Variants in VWDE observed in about 807,000 individuals in gnomAD.
The protein encoded by VWDE is von Willebrand factor D and EGF domains.
A neutral mutation model predicts 178.4 loss-of-function variants in VWDE; 207 were observed. That is an observed-to-expected ratio of 1.16 (90% CI 1.04 to 1.30). The LOEUF (loss-of-function observed/expected upper bound fraction) is 1.30. Among genes scored for constraint, VWDE ranks in the 50% most tolerant of loss-of-function variants. The probability of loss-of-function intolerance (pLI) is 0.00; values close to 1 mark genes in which losing one functional copy is unlikely to be tolerated. For missense variants in VWDE, 2,287 were observed against 1,901.3 expected (o/e 1.20, Z -3.77); for synonymous variants, 738 against 651.4 (o/e 1.13, Z -2.02).
At position 12,331,201 on chromosome 7, in the gene VWDE, T is replaced by C. The variant is rs1002901759; in HGVS notation, c.4759-4A>G. 3.9e-6 allele frequency: 6 copies of C among 1,540,742 alleles called. No homozygotes were observed. The highest frequency in any genetic ancestry group is 3.5e-6 in the Non-Finnish European group (4 of 1,139,168). On this transcript the variant is annotated splice_region_variant and splice_polypyrimidine_tract_variant and intron_variant, in intron 28 of 28. Coordinates refer to ENST00000275358, the MANE Select transcript of VWDE (RefSeq NM_001135924.3). Reference sequence around the variant, plus strand: ...ATGCTACTCAATGGCGTCTTATCTGTAGTAGGAAGAAGGAAATTGTGTTTC... The same window carrying C: ...ATGCTACTCAATGGCGTCTTATCTGCAGTAGGAAGAAGGAAATTGTGTTTC...
intron 23 of VWDE, among the ~76,000 whole-genome samples, chr7:12,340,832 A>C (rs1024760748): frequency 6.6e-6 from 1 of 152,216 alleles, no homozygotes; most frequent in African/African-American, 2.4e-5. Flanking sequence ...TAATCTGTTC[A>C]AATACATGTA....
rs1480787339 is a variant in VWDE at position 12,389,159 on chromosome 7, G to T, written c.443C>A (p.Pro148Gln). The stretch of plus-strand genomic sequence containing the variant: ...ACAGTAGCCCATACATCCCTGAGTT[G>T]GTTGTAGTAAGTATACAGAAAAGTT... ...CGNFSVYLLQPTQGCMGYCAE... is the reference protein window; with the variant it reads ...CGNFSVYLLQQTQGCMGYCAE... Residue 148 changes from proline (P) to glutamine (Q), a missense_variant, in exon 3 of 29, where the codon CCA (proline) becomes CAA (glutamine). By Grantham distance (76) the Pro-to-Gln change is moderately conservative (BLOSUM62 -1). Coordinates refer to ENST00000275358, the MANE Select transcript of VWDE (RefSeq NM_001135924.3). 4 of 1,551,336 alleles carry T rather than the reference G, an allele frequency of 2.6e-6. No homozygotes were observed. Among genetic ancestry groups the T allele is most frequent in the Non-Finnish European group, 3.5e-6 (4 of 1,146,470 alleles).
Position 12,392,808 on chromosome 7 carries a change from CA to C in VWDE, c.243+785del, listed in dbSNP as rs201563504. Among the ~76,000 whole-genome samples, 1,116 of 132,118 alleles carry C rather than the reference CA, an allele frequency of 8.4e-3. 19 individuals carry two copies. The highest frequency in any genetic ancestry group is 0.025 in the African/African-American group (924 of 37,486). The allele number at this position is 132,118 out of a possible 152,430, so 86.7% of individuals were successfully genotyped here. On this transcript the variant is annotated intron_variant, in intron 2 of 28. Transcript: ENST00000275358. ...GTGAACGTTACGTAAAGTTAAGTTG[CA>C]AAAAAAAAAAAAACACATCCGATGT... is the stretch of plus-strand genomic sequence containing the variant.
chr7:12,351,352 G>C (rs779684063), intron 19 of VWDE, among the ~76,000 whole-genome samples: 11 of 152,122 alleles, frequency 7.2e-5, no homozygotes, highest in Non-Finnish European at 1.3e-4. Flanking sequence ...CACTTTAAAT[G>C]ATGCTTTGTT....
chr7:12,377,101 T>G (rs1783571655), intron 7 of VWDE, among the ~76,000 whole-genome samples: 1 of 152,146 alleles, frequency 6.6e-6, no homozygotes, highest in Non-Finnish European at 1.5e-5. Context: ...TGCTTTGATC[T>G]CTACATCAGG....
intron 7 of VWDE, among the ~76,000 whole-genome samples, chr7:12,377,303 C>A (rs975376867): frequency 6.6e-6 from 1 of 152,082 alleles, no homozygotes; most frequent in African/African-American, 2.4e-5. Flanking sequence ...CAAACATAAA[C>A]GTACGTTAGG....
At chr7:12,337,320 C>T (rs1260405540) in intron 24 of VWDE, 48 bp from the exon 25 acceptor site, 10 of 1,418,350 alleles carry the variant, frequency 7.1e-6, no homozygotes, top group Non-Finnish European at 9.7e-6. Flanking sequence ...CATCCCATTA[C>T]TACATATGAT....
chr7:12,375,201 C>G lies in VWDE; in HGVS notation c.1051G>C (p.Ala351Pro), dbSNP rs763141322. ...AGGTCCACATGACAGGAAGACAGTGCCAAATTTAAGCCTAGGTGCTCTCTA... is the reference window on the plus strand; with the variant it reads ...AGGTCCACATGACAGGAAGACAGTGGCAAATTTAAGCCTAGGTGCTCTCTA... The part of the protein sequence containing the change: ...QGREHLGLNL[A>P]LSSCHVDLLQ... The change falls in exon 8 of 29, where the codon GCA (alanine) becomes CCA (proline). Residue 351 changes from alanine to proline, a missense_variant. Physicochemically the swap from Ala to Pro is conservative, Grantham distance 27. Transcript: ENST00000275358. The G allele has an allele frequency of 6.4e-7, 1 of 1,550,810 alleles. No individual in the cohort carries two copies. Among genetic ancestry groups the G allele is most frequent in the East Asian group, 2.4e-5 (1 of 40,884 alleles).
rs1438285784 is a variant in VWDE, at chr7:12,369,712, C to T, written c.2594G>A (p.Arg865Lys). The T allele has an allele frequency of 6.4e-7, 1 of 1,551,044 alleles. No homozygotes were observed. The highest frequency in any genetic ancestry group is 2.0e-5 in the Admixed American group (1 of 50,978). Residue 865 changes from arginine to lysine, a missense_variant, in exon 12 of 29, where the codon AGG (arginine) becomes AAG (lysine). Coordinates refer to ENST00000275358, the MANE Select transcript of VWDE (RefSeq NM_001135924.3). ...VALLENECEK[R>K]IVEEGKYNTE... The stretch of plus-strand genomic sequence containing the variant: ...GTTATATTTCCCCTCCTCCACAATC[C>T]TCTTTTCACATTCATTTTCTAAAAG...
chr7:12,335,204 A>C (rs1780951562), intron 27 of VWDE, among the ~76,000 whole-genome samples: 1 of 152,178 alleles, frequency 6.6e-6, no homozygotes, highest in Non-Finnish European at 1.5e-5. Context: ...TGTAATTATT[A>C]ATCATTTGGA....
At chr7:12,331,788 CAG>C (rs1206348100) in intron 28 of VWDE, among the ~76,000 whole-genome samples, 8 of 152,108 alleles carry the variant, frequency 5.3e-5, no homozygotes, top group Non-Finnish European at 1.2e-4. Flanking sequence ...GTGGCAGGGT[CAG>C]AGTGAGTGCA....
intron 9 of VWDE, among the ~76,000 whole-genome samples, chr7:12,373,580 A>G (rs1783339471): frequency 6.6e-6 from 1 of 151,666 alleles, no homozygotes; most frequent in African/African-American, 2.4e-5. Context: ...ATAAATTCCA[A>G]CCCCTCTTTT....
intron 15 of VWDE, 32 bp from the exon 16 acceptor site, chr7:12,359,724 A>G: frequency 7.3e-7 from 1 of 1,368,782 alleles, no homozygotes; most frequent in East Asian, 2.5e-5. Context: ...AGAAAACATC[A>G]AAGTACAGCG....
chr7:12,335,000 A>T (rs2128544066), intron 27 of VWDE, among the ~76,000 whole-genome samples: 1 of 152,344 alleles, frequency 6.6e-6, no homozygotes, highest in Non-Finnish European at 1.5e-5. Flanking sequence ...TGTATACATT[A>T]CAATAGCAAT....
chr7:12,335,826 A>T (rs1780990198), intron 27 of VWDE, among the ~76,000 whole-genome samples: 1 of 152,184 alleles, frequency 6.6e-6, no homozygotes. Flanking sequence ...TTATCTTATA[A>T]TATGAAATAA....
intron 2 of VWDE, among the ~76,000 whole-genome samples, chr7:12,391,860 C>A (rs1784405644): frequency 6.6e-6 from 1 of 152,076 alleles, no homozygotes; most frequent in African/African-American, 2.4e-5. Context: ...ATGATGTGAT[C>A]TCTCTCCAGG....
intron 27 of VWDE, among the ~76,000 whole-genome samples, chr7:12,334,690 A>G (rs1426639758): frequency 3.3e-5 from 5 of 152,216 alleles, no homozygotes; most frequent in Admixed American, 2.6e-4. Flanking sequence ...TTCACATAAA[A>G]ATGCTGCAGG....
chr7:12,365,041 G>C lies in VWDE; in HGVS notation c.2898+2316C>G, dbSNP rs572206264. 2.0e-5 allele frequency among the ~76,000 whole-genome samples: 3 copies of C among 152,156 alleles called. No homozygotes were observed. The South Asian group carries it at 6.2e-4, about 32-fold the overall frequency. Reference sequence around the variant, plus strand: ...GGCCAGTGCTCTTCGAAAGAACCAAGTGTGCAAAAGATGAAGAAAGATGGA... The same window carrying C: ...GGCCAGTGCTCTTCGAAAGAACCAACTGTGCAAAAGATGAAGAAAGATGGA... On this transcript the variant is annotated intron_variant, in intron 13 of 28. Coordinates refer to ENST00000275358, the MANE Select transcript of VWDE (RefSeq NM_001135924.3).
At chr7:12,337,430 A>C (rs945667413) in intron 24 of VWDE, among the ~76,000 whole-genome samples, 158 bp from the exon 25 acceptor site, 5 of 152,230 alleles carry the variant, frequency 3.3e-5, no homozygotes, top group African/African-American at 9.6e-5. Context: ...CTAAATCATG[A>C]AATGCAATGC....
Sources: allele counts gnomAD v4.1 joint callset (sites outside exome capture counted in the v4.1 genomes callset), GRCh38; gene constraint gnomAD v4.1.1; transcripts MANE v1.5; gene names NCBI Gene and HGNC (gene_info 2026-07-23, HGNC 2026-07-21).